PTPRQ: variants seen among roughly 807,000 people sequenced by gnomAD.
The protein encoded by PTPRQ is protein tyrosine phosphatase receptor type Q, also known as phosphatidylinositol phosphatase PTPRQ.
In PTPRQ, 199 loss-of-function variants were observed where a neutral mutation model predicts 246.0. That is an observed-to-expected ratio of 0.81 (90% CI 0.72 to 0.91). PTPRQ has a LOEUF of 0.91. Among genes scored for constraint, PTPRQ ranks in the 40% least tolerant of loss-of-function variants. The pLI is 0.00. For synonymous variants in PTPRQ, 869 were observed against 853.2 expected (o/e 1.02, Z -0.32); for missense variants, 2,624 against 2,528.4 (o/e 1.04, Z -0.81).
At chr12:80,597,353 T>C (rs1314146037) in intron 26 of PTPRQ, among the ~76,000 whole-genome samples, 1 of 151,984 alleles carries the variant, frequency 6.6e-6, no homozygotes. Flanking sequence ...CATGGTAGCA[T>C]GAAAATGGTG....
intron 25 of PTPRQ, among the ~76,000 whole-genome samples, chr12:80,575,839 C>CAAAAAAAAAAAAA (rs201432092): frequency 1.3e-4 from 6 of 46,984 alleles, no homozygotes; most frequent in Admixed American, 5.0e-4. Context: ...AACCCCATCT[C>CAAAAAAAAAAAAA]AAAAAAAAAA....
At chr12:80,497,097 G>A (rs1162963102) in intron 14 of PTPRQ, among the ~76,000 whole-genome samples, 1 of 151,910 alleles carries the variant, frequency 6.6e-6, no homozygotes, top group African/African-American at 2.4e-5. Context: ...TCCGGACTAG[G>A]GAGGGGAGTG....
intron 3 of PTPRQ, among the ~76,000 whole-genome samples, chr12:80,446,722 C>A (rs1205392528): frequency 6.6e-6 from 1 of 151,078 alleles, no homozygotes; most frequent in Non-Finnish European, 1.5e-5. Context: ...AGGATATGTT[C>A]TCCAGCTCCA....
chr12:80,617,237 C>A (rs1898797412), intron 30 of PTPRQ, among the ~76,000 whole-genome samples: 1 of 151,090 alleles, frequency 6.6e-6, no homozygotes, highest in Non-Finnish European at 1.5e-5. Context: ...AAGTTACTAA[C>A]TTTGAGGATT....
At chr12:80,596,630 C>A (rs559091997) in intron 26 of PTPRQ, among the ~76,000 whole-genome samples, 2 of 152,120 alleles carry the variant, frequency 1.3e-5, no homozygotes, top group South Asian at 4.1e-4. Context: ...GTCCATTCAA[C>A]AAGAAGTGTA....
chr12:80,574,004 T>C (rs1283024452), intron 25 of PTPRQ, among the ~76,000 whole-genome samples: 1 of 152,198 alleles, frequency 6.6e-6, no homozygotes, highest in Non-Finnish European at 1.5e-5. Context: ...TGATAAAATA[T>C]TTAACTACGA....
chr12:80,450,356 G>T (rs1892714703), intron 3 of PTPRQ, among the ~76,000 whole-genome samples: 1 of 152,094 alleles, frequency 6.6e-6, no homozygotes, highest in Admixed American at 6.6e-5. Context: ...TTTCCTAATT[G>T]AATACCCTTT....
At chr12:80,514,766 A>G (rs868087883) in intron 17 of PTPRQ, among the ~76,000 whole-genome samples, 7 of 146,366 alleles carry the variant, frequency 4.8e-5, no homozygotes, top group African/African-American at 1.7e-4. Context: ...ATTATTACAT[A>G]TTATTATATA....
intron 33 of PTPRQ, among the ~76,000 whole-genome samples, 163 bp from the exon 34 acceptor site, chr12:80,632,029 G>A (rs1223495788): frequency 6.6e-6 from 1 of 151,996 alleles, no homozygotes; most frequent in African/African-American, 2.4e-5. Context: ...GAGCCCCAAA[G>A]TTAAAAAATC....
At chr12:80,611,803 A>G (rs1898561935) in intron 28 of PTPRQ, among the ~76,000 whole-genome samples, 1 of 150,548 alleles carries the variant, frequency 6.6e-6, no homozygotes, top group Non-Finnish European at 1.5e-5. Flanking sequence ...TTAGAGAAAC[A>G]TCTCATAAGA....
At chr12:80,501,591 A>G (rs534118654) in intron 14 of PTPRQ, among the ~76,000 whole-genome samples, 83 of 152,136 alleles carry the variant, frequency 5.5e-4, no homozygotes, top group African/African-American at 1.8e-3. Context: ...ATGAGGATAA[A>G]GTCATATCAC....
chr12:80,638,080 C>A (rs1899724014), intron 35 of PTPRQ, among the ~76,000 whole-genome samples: 2 of 151,916 alleles, frequency 1.3e-5, no homozygotes, highest in South Asian at 2.1e-4. Flanking sequence ...CCAGCCGGCC[C>A]AACATGGTGA....
intron 33 of PTPRQ, among the ~76,000 whole-genome samples, chr12:80,629,087 C>T (rs1245775956): frequency 6.7e-6 from 1 of 149,720 alleles, no homozygotes; most frequent in Non-Finnish European, 1.5e-5. Context: ...CATGGCCTTT[C>T]CTTGGTGCAT....
intron 35 of PTPRQ, among the ~76,000 whole-genome samples, chr12:80,639,638 TA>T (rs1196455954): frequency 6.6e-6 from 1 of 152,168 alleles, no homozygotes; most frequent in East Asian, 1.9e-4. Flanking sequence ...GAATTTTTGT[TA>T]AATACACAGT....
At chr12:80,472,021 G>A in intron 7 of PTPRQ, 84 bp from the exon 8 acceptor site, 2 of 1,492,466 alleles carry the variant, frequency 1.3e-6, no homozygotes, top group Non-Finnish European at 1.8e-6. Context: ...CACTTGAATT[G>A]TTGTCTTTGG....
chr12:80,581,404 G>C (rs1897431055), intron 25 of PTPRQ, among the ~76,000 whole-genome samples: 2 of 152,200 alleles, frequency 1.3e-5, no homozygotes, highest in African/African-American at 4.8e-5. Context: ...GGGAGGCTGA[G>C]GTGGGCAGAT....
chr12:80,634,981 T>C lies in PTPRQ; in HGVS notation c.5823T>C (p.Ser1941=). The C allele has an allele frequency of 6.4e-7, 1 of 1,551,170 alleles. No homozygotes were observed. The highest frequency in any genetic ancestry group is 8.7e-7 in the Non-Finnish European group (1 of 1,146,704). ...RQKQKEGGTY[S]PQDAEIIDTK... ...AGCAGAAAGAAGGTGGCACATACTC[T>C]CCTCAGGATGCAGAAATTATTGACA... Residue 1941 remains serine (S), a synonymous_variant, in exon 35 of 45, where the codon TCT becomes TCC. Transcript: ENST00000644991.
rs1293426440 is a variant in PTPRQ at position 80,652,843 on chromosome 12, A to C, written c.6115+9A>C. 24 of 1,476,716 alleles carry C rather than the reference A, an allele frequency of 1.6e-5. No individual in the cohort carries two copies. The highest frequency in any genetic ancestry group is 1.8e-5 in the Non-Finnish European group (20 of 1,115,056). The allele number at this position is 1,476,716 out of a possible 1,614,324, so 91.5% of individuals were successfully genotyped here. ...CCCAAACATAAAACCATGTATGTGCATTTGTTGGTTTTGGTTTAGCTAGGA... is the reference window on the plus strand; with the variant it reads ...CCCAAACATAAAACCATGTATGTGCCTTTGTTGGTTTTGGTTTAGCTAGGA... On this transcript the variant is annotated intron_variant, in intron 38 of 44. Coordinates refer to ENST00000644991, the MANE Select transcript of PTPRQ (RefSeq NM_001145026.2).
intron 39 of PTPRQ, among the ~76,000 whole-genome samples, chr12:80,668,318 T>C (rs1900852415): frequency 6.6e-6 from 1 of 151,888 alleles, no homozygotes; most frequent in Non-Finnish European, 1.5e-5. Flanking sequence ...GATGTCATAA[T>C]AGATTTAAGA....
Sources: allele counts gnomAD v4.1 joint callset (sites outside exome capture counted in the v4.1 genomes callset), GRCh38; gene constraint gnomAD v4.1.1; transcripts MANE v1.5; gene names NCBI Gene and HGNC (gene_info 2026-07-23, HGNC 2026-07-21).